The following AKAP7 variants were observed in gnomAD, a reference collection of about 807,000 sequenced individuals.
AKAP7 encodes the protein A-kinase anchoring protein 7.
In AKAP7, 39 loss-of-function variants were observed where a neutral mutation model predicts 39.5. The observed-to-expected ratio is 0.99, with a 90% CI of 0.76 to 1.29. The LOEUF (loss-of-function observed/expected upper bound fraction) is 1.29. Ranked by LOEUF, AKAP7 falls within the 50% of genes most tolerant of loss-of-function variation. The pLI is 0.00. For missense variants in AKAP7, 414 were observed against 407.7 expected, an observed-to-expected ratio of 1.02 and a Z score of -0.13; for synonymous variants, 140 against 139.1, an observed-to-expected ratio of 1.01 and a Z score of -0.05.
intron 7 of AKAP7, chr6:131,242,296 C>A: frequency 1.5e-6 from 1 of 674,468 alleles, no homozygotes; most frequent in Non-Finnish European, 1.8e-6. Context: ...TCATTGCTAA[C>A]AACTTGGATC....
the AKAP7 span, among the ~76,000 whole-genome samples, chr6:131,129,141 G>A: frequency 6.6e-6 from 1 of 152,040 alleles, no homozygotes; most frequent in Admixed American, 6.5e-5. Flanking sequence ...ACAAAAATTA[G>A]CCAGGTGTGG....
chr6:131,167,413 C>G (rs1403587065), intron 4 of AKAP7, among the ~76,000 whole-genome samples: 1 of 152,162 alleles, frequency 6.6e-6, no homozygotes, highest in Admixed American at 6.5e-5. Context: ...CTTAACCTTT[C>G]TCATGGTCTG....
chr6:131,126,565 C>G, the AKAP7 span, among the ~76,000 whole-genome samples: 7 of 152,154 alleles, frequency 4.6e-5, no homozygotes, highest in Non-Finnish European at 7.3e-5. Context: ...ATAACTAACT[C>G]AATAAACATT....
At chr6:131,159,872 CTA>C (rs1253568926) in intron 2 of AKAP7, among the ~76,000 whole-genome samples, 185 bp from the exon 3 acceptor site, 1 of 152,194 alleles carries the variant, frequency 6.6e-6, no homozygotes, top group African/African-American at 2.4e-5. Context: ...ACGGCAGAGA[CTA>C]TGTCATCTGC....
At chr6:131,192,945 T>C (rs1317288650) in intron 5 of AKAP7, among the ~76,000 whole-genome samples, 2 of 152,356 alleles carry the variant, frequency 1.3e-5, no homozygotes, top group Non-Finnish European at 2.9e-5. Flanking sequence ...TCTGCAACTT[T>C]ACTGAATTTT....
chr6:131,203,097 C>T (rs1807759103), intron 6 of AKAP7, among the ~76,000 whole-genome samples: 1 of 152,112 alleles, frequency 6.6e-6, no homozygotes, highest in Non-Finnish European at 1.5e-5. Context: ...AAATAAATAT[C>T]CAACAGTTTC....
At chr6:131,168,444 AAGAGAGAG>A (rs374239226) in intron 4 of AKAP7, among the ~76,000 whole-genome samples, 1 of 148,778 alleles carries the variant, frequency 6.7e-6, no homozygotes, top group Non-Finnish European at 1.5e-5. Flanking sequence ...AGGAGACAGA[AAGAGAGAG>A]AGAGAGAGAG....
intron 5 of AKAP7, among the ~76,000 whole-genome samples, chr6:131,180,934 CCTGACTCT>C (rs1805159030): frequency 6.6e-6 from 1 of 151,152 alleles, no homozygotes; most frequent in Admixed American, 6.6e-5. Context: ...GATTTCTGGA[CCTGACTCT>C]CTGTTTAACT....
At chr6:131,276,296 C>A (rs1328162988) in intron 7 of AKAP7, among the ~76,000 whole-genome samples, 1 of 151,790 alleles carries the variant, frequency 6.6e-6, no homozygotes, top group African/African-American at 2.4e-5. Context: ...TGGTTTTTGG[C>A]AAGAGGAGGG....
At chr6:131,222,870 A>G (rs1809829719) in intron 7 of AKAP7, among the ~76,000 whole-genome samples, 1 of 152,200 alleles carries the variant, frequency 6.6e-6, no homozygotes, top group East Asian at 1.9e-4. Context: ...TCTTTCATGA[A>G]AGGAAGAGTC....
intron 5 of AKAP7, chr6:131,184,379 A>T (rs1805603614): frequency 1.7e-5 from 11 of 663,162 alleles, no homozygotes; most frequent in Non-Finnish European, 3.2e-5. Flanking sequence ...ACAGGTCCAG[A>T]CACAGGTGGC....
intron 7 of AKAP7, among the ~76,000 whole-genome samples, chr6:131,278,579 G>A (rs1302501744): frequency 6.6e-6 from 1 of 152,156 alleles, no homozygotes; most frequent in Non-Finnish European, 1.5e-5. Context: ...GCATGGCTGG[G>A]GAAGCCTCAG....
chr6:131,185,949 C>T (rs1805807276), intron 5 of AKAP7, among the ~76,000 whole-genome samples: 1 of 152,112 alleles, frequency 6.6e-6, no homozygotes, highest in Non-Finnish European at 1.5e-5. Flanking sequence ...ATAATTTTAA[C>T]TCTTATGTTT....
chr6:131,172,694 T>G (rs1306350036), intron 5 of AKAP7, among the ~76,000 whole-genome samples: 2 of 152,182 alleles, frequency 1.3e-5, no homozygotes, highest in Non-Finnish European at 2.9e-5. Flanking sequence ...ATTTCTAGAC[T>G]AAGCCAGACC....
chr6:131,165,326 T>C (rs72991518), intron 4 of AKAP7, 109 bp downstream of exon 4: 8,191 of 733,918 alleles, frequency 0.011, 80 homozygotes, highest in South Asian at 0.019. Context: ...GTAGTCTCTA[T>C]ACAATTTATT....
At chr6:131,243,103 C>T (rs781367194) in intron 7 of AKAP7, among the ~76,000 whole-genome samples, 8 of 151,980 alleles carry the variant, frequency 5.3e-5, no homozygotes, top group Non-Finnish European at 8.8e-5. Flanking sequence ...GCAGGCTGAG[C>T]GTGGGGCACT....
At chr6:131,137,346 T>C (rs1183047691) in intron 1 of AKAP7, 1 of 152,082 alleles carries the variant, frequency 6.6e-6, no homozygotes, top group Non-Finnish European at 1.5e-5. Flanking sequence ...CTGCATTTTG[T>C]GTGACAGTGG....
At chr6:131,276,440 T>C (rs962499291) in intron 7 of AKAP7, among the ~76,000 whole-genome samples, 21 of 152,070 alleles carry the variant, frequency 1.4e-4, no homozygotes, top group African/African-American at 4.8e-4. Flanking sequence ...CACAGATCAG[T>C]TGCAGGTAGT....
intron 4 of AKAP7, among the ~76,000 whole-genome samples, chr6:131,165,770 A>G (rs1013588214): frequency 1.3e-5 from 2 of 152,104 alleles, no homozygotes; most frequent in Non-Finnish European, 2.9e-5. Flanking sequence ...GGGTTCTGCC[A>G]TAAAGGTTGA....
Sources: allele counts gnomAD v4.1 joint callset (sites outside exome capture counted in the v4.1 genomes callset), GRCh38; gene constraint gnomAD v4.1.1; transcripts MANE v1.5; gene names NCBI Gene and HGNC (gene_info 2026-07-23, HGNC 2026-07-21).